The following TEK variants were observed in gnomAD, a reference collection of about 807,000 sequenced individuals.
The protein encoded by TEK is TEK receptor tyrosine kinase.
TEK carries 43 observed loss-of-function variants against 131.8 expected under a neutral mutation model. The observed-to-expected ratio is 0.33, with a 90% CI of 0.26 to 0.42. The LOEUF (loss-of-function observed/expected upper bound fraction) is 0.42. Among genes scored for constraint, TEK ranks in the 10% least tolerant of loss-of-function variants. The pLI is 1.00. For synonymous variants in TEK, 580 were observed against 491.6 expected, an observed-to-expected ratio of 1.18 and a Z score of -2.38; for missense variants, 1,162 against 1,384.4, an observed-to-expected ratio of 0.84 and a Z score of 2.55.
At chr9:27,157,699 G>A (rs1171379658) in intron 1 of TEK, 132 bp from the exon 2 acceptor site, 9 of 1,085,972 alleles carry the variant, frequency 8.3e-6, no homozygotes, top group African/African-American at 1.5e-5. Flanking sequence ...TGGAAGATAG[G>A]CACATGGTCA....
chr9:27,202,911 T>C lies in TEK; in HGVS notation c.2001T>C (p.Ile667=). The C allele has an allele frequency of 1.2e-6, 2 of 1,614,196 alleles. No homozygotes were observed. Among genetic ancestry groups the C allele is most frequent in the Middle Eastern group, 3.3e-4 (2 of 6,062 alleles). The change falls in exon 13 of 23, where the codon ATT becomes ATC. Residue 667 remains isoleucine (I), a synonymous_variant. Coordinates refer to ENST00000380036, the MANE Select transcript of TEK (RefSeq NM_000459.5). The stretch of plus-strand genomic sequence containing the variant: ...GGACAATATTGGATGGCTATTCTAT[T>C]TCTTCTATTACTATCCGTTACAAGG... The part of the protein sequence containing the change: ...ISWTILDGYS[I]SSITIRYKVQ...
At chr9:27,189,282 G>C (rs188997663) in intron 9 of TEK, among the ~76,000 whole-genome samples, 1 of 152,222 alleles carries the variant, frequency 6.6e-6, no homozygotes, top group Admixed American at 6.5e-5. Flanking sequence ...GTAGTGTGGT[G>C]TTTCACAACC....
At chr9:27,199,470 G>A (rs1265697488) in intron 12 of TEK, among the ~76,000 whole-genome samples, 1 of 152,132 alleles carries the variant, frequency 6.6e-6, no homozygotes, top group Non-Finnish European at 1.5e-5. Flanking sequence ...GTGTATGACA[G>A]TGCCATTTTC....
At chr9:27,188,851 A>G (rs936061982) in intron 9 of TEK, among the ~76,000 whole-genome samples, 11 of 152,172 alleles carry the variant, frequency 7.2e-5, no homozygotes, top group Non-Finnish European at 1.3e-4. Context: ...AATAAGTAGA[A>G]TGTACAGTTC....
At chr9:27,183,690 C>A in intron 8 of TEK, 80 bp downstream of exon 8, 2 of 1,555,146 alleles carry the variant, frequency 1.3e-6, no homozygotes, top group South Asian at 1.1e-5. Context: ...TGATAGATAC[C>A]ATTCAGTGCT....
intron 6 of TEK, among the ~76,000 whole-genome samples, chr9:27,179,968 T>TC (rs1316782965): frequency 1.3e-5 from 2 of 152,170 alleles, no homozygotes; most frequent in African/African-American, 4.8e-5. Context: ...TCTTTTTTCT[T>TC]CCTATCCCAC....
At chr9:27,220,382 G>GAAATGAGGAAGGGCAACAAAT (rs1217278827) in intron 21 of TEK, among the ~76,000 whole-genome samples, 2 of 152,216 alleles carry the variant, frequency 1.3e-5, no homozygotes, top group Non-Finnish European at 2.9e-5. Flanking sequence ...TGGGAAGGTT[G>GAAATGAGGAAGGGCAACAAAT]AAATGAGGAA....
chr9:27,213,391 T>G, intron 17 of TEK, 93 bp from the exon 18 acceptor site: 1 of 922,756 alleles, frequency 1.1e-6, no homozygotes, highest in Non-Finnish European at 1.7e-6. Flanking sequence ...TAAAATCCTT[T>G]TTTATACTAT....
At chr9:27,175,476 G>T (rs1272624706) in intron 6 of TEK, among the ~76,000 whole-genome samples, 1 of 152,092 alleles carries the variant, frequency 6.6e-6, no homozygotes, top group East Asian at 1.9e-4. Flanking sequence ...ATAGCATCAT[G>T]ATTTATAATC....
intron 1 of TEK, among the ~76,000 whole-genome samples, chr9:27,153,094 C>T (rs1281733722): frequency 1.3e-5 from 2 of 152,246 alleles, no homozygotes; most frequent in East Asian, 1.9e-4. Flanking sequence ...ACTTGGTAGA[C>T]GTCATGCCAC....
chr9:27,206,184 C>G (rs572032829), intron 14 of TEK, among the ~76,000 whole-genome samples: 1 of 152,202 alleles, frequency 6.6e-6, no homozygotes, highest in Non-Finnish European at 1.5e-5. Flanking sequence ...CTCACTGAGG[C>G]GCATCCTGTG....
At chr9:27,153,318 C>T (rs939407880) in intron 1 of TEK, among the ~76,000 whole-genome samples, 77 of 152,130 alleles carry the variant, frequency 5.1e-4, no homozygotes, top group African/African-American at 1.8e-3. Context: ...GGCGTGGTCG[C>T]GGGCACTTGT....
intron 1 of TEK, among the ~76,000 whole-genome samples, chr9:27,138,044 G>A (rs1293512346): frequency 1.3e-5 from 2 of 152,098 alleles, no homozygotes; most frequent in African/African-American, 2.4e-5. Context: ...AGCTCTTAAA[G>A]GTGGCGCATC....
At chr9:27,153,379 G>A (rs1823204679) in intron 1 of TEK, among the ~76,000 whole-genome samples, 3 of 152,330 alleles carry the variant, frequency 2.0e-5, no homozygotes, top group South Asian at 4.1e-4. Context: ...GAACCCGGGA[G>A]GCGGAAGTTG....
At chr9:27,186,270 G>C (rs887721454) in intron 9 of TEK, among the ~76,000 whole-genome samples, 16 of 152,112 alleles carry the variant, frequency 1.1e-4, no homozygotes, top group African/African-American at 1.9e-4. Flanking sequence ...ATGGAGGTAA[G>C]TCCACGTTAA....
chr9:27,217,868 G>C (rs914349028), intron 19 of TEK, 110 bp downstream of exon 19: 4 of 953,900 alleles, frequency 4.2e-6, no homozygotes, highest in Non-Finnish European at 6.6e-6. Flanking sequence ...CGGGAACAAA[G>C]GTAACTAAAA....
chr9:27,229,348 G>A lies in TEK; in HGVS notation c.*116G>A, dbSNP rs2131268098. 1 of 987,560 alleles carries A rather than the reference G, an allele frequency of 1.0e-6. No homozygotes were observed. Among genetic ancestry groups the A allele is most frequent in the Non-Finnish European group, 1.6e-6 (1 of 619,498 alleles). 61.2% of individuals were successfully genotyped at this position (987,560 alleles called of 1,614,324 possible). ...TGATATATAAGTGTACATATGTGCT[G>A]TACACCTGGGACCTTCACCACTGTA... On this transcript the variant is annotated 3_prime_UTR_variant, in exon 23 of 23. Transcript: ENST00000380036.
intron 2 of TEK, among the ~76,000 whole-genome samples, chr9:27,159,394 A>G (rs779971004): frequency 2.0e-5 from 3 of 152,182 alleles, no homozygotes; most frequent in Admixed American, 6.5e-5. Context: ...TGAGCCTAGT[A>G]TCAGAGTGAG....
intron 3 of TEK, among the ~76,000 whole-genome samples, 182 bp downstream of exon 3, chr9:27,168,787 A>C (rs1823838491): frequency 6.6e-6 from 1 of 152,214 alleles, no homozygotes; most frequent in Non-Finnish European, 1.5e-5. Flanking sequence ...TGGTTACTTA[A>C]GGATATTAAA....
Sources: allele counts gnomAD v4.1 joint callset (sites outside exome capture counted in the v4.1 genomes callset), GRCh38; gene constraint gnomAD v4.1.1; transcripts MANE v1.5; gene names NCBI Gene and HGNC (gene_info 2026-07-23, HGNC 2026-07-21).